Variants in MYO18B observed in about 807,000 individuals in gnomAD.
MYO18B encodes the protein unconventional myosin-XVIIIb.
In MYO18B, 204 loss-of-function variants were observed where a neutral mutation model predicts 273.0. The observed-to-expected ratio is 0.75, with a 90% CI of 0.67 to 0.84. The LOEUF is 0.84. MYO18B is among the 40% of genes least tolerant of loss of function. The pLI, the probability that MYO18B is intolerant of heterozygous loss-of-function variation, is 0.00. For synonymous variants in MYO18B, 1,330 were observed against 1,305.7 expected, an observed-to-expected ratio of 1.02 and a Z score of -0.40; for missense variants, 3,212 against 3,287.6, an observed-to-expected ratio of 0.98 and a Z score of 0.56.
chr22:25,865,512 G>A (rs896012855), intron 21 of MYO18B, among the ~76,000 whole-genome samples: 4 of 152,212 alleles, frequency 2.6e-5, no homozygotes, highest in Non-Finnish European at 4.4e-5. Flanking sequence ...TGACTATAAG[G>A]ATGAAATAAC....
intron 39 of MYO18B, among the ~76,000 whole-genome samples, chr22:25,973,384 A>G (rs912848661): frequency 6.6e-6 from 1 of 152,230 alleles, no homozygotes; most frequent in African/African-American, 2.4e-5. Context: ...CCATAGAAAT[A>G]TAGAACACAG....
chr22:25,977,491 A>C (rs746354282), intron 39 of MYO18B, among the ~76,000 whole-genome samples: 5 of 152,100 alleles, frequency 3.3e-5, no homozygotes, highest in Non-Finnish European at 5.9e-5. Context: ...GGGCATGGTG[A>C]ATTGTGACCT....
At chr22:25,771,654 G>A (rs111534349) in intron 6 of MYO18B, among the ~76,000 whole-genome samples, 161 of 152,002 alleles carry the variant, frequency 1.1e-3, no homozygotes, top group African/African-American at 3.5e-3. Flanking sequence ...TCTCTCCCGC[G>A]TTGGGCATTT....
In MYO18B at chr22:25,780,215, G is replaced by A. The variant is rs780969376; in HGVS notation, c.2211+17G>A. ...CAGCTCCAGGTGAGGCCTCTCGGGGGATGTGCAAGGGGGCCCTTGGGGCTG... is the reference window on the plus strand; with the variant it reads ...CAGCTCCAGGTGAGGCCTCTCGGGGAATGTGCAAGGGGGCCCTTGGGGCTG... On this transcript the variant is annotated intron_variant, in intron 9 of 43. Coordinates refer to ENST00000335473, the MANE Select transcript of MYO18B (RefSeq NM_032608.7). 2.1e-5 allele frequency: 34 copies of A among 1,594,916 alleles called. No homozygotes were observed. Among genetic ancestry groups the A allele is most frequent in the Non-Finnish European group, 2.8e-5 (33 of 1,173,238 alleles).
the MYO18B span, among the ~76,000 whole-genome samples, chr22:26,063,481 A>T: frequency 5.3e-5 from 8 of 152,206 alleles, no homozygotes; most frequent in South Asian, 1.7e-3. Flanking sequence ...CCAAGAATAC[A>T]AAATGACCCA....
At chr22:25,972,732 G>T (rs908467002) in intron 39 of MYO18B, among the ~76,000 whole-genome samples, 1 of 152,194 alleles carries the variant, frequency 6.6e-6, no homozygotes. Context: ...GAGGCAGGTG[G>T]ATCACCTGAG....
In MYO18B at chr22:25,797,838, G is replaced by A. The variant is rs920918415; in HGVS notation, c.2377-115G>A. The stretch of plus-strand genomic sequence containing the variant: ...TCAGCTTAATTGTGGGTAATTTATT[G>A]TGGCAATAAAATGACCCCCGCATTC... On this transcript the variant is annotated intron_variant, in intron 11 of 43. Transcript: ENST00000335473. The A allele has an allele frequency of 6.3e-6, 9 of 1,424,008 alleles. No homozygotes were observed. The Admixed American group carries it at 6.8e-5, about 11-fold the overall frequency. 88.2% of individuals were successfully genotyped at this position (1,424,008 alleles called of 1,614,324 possible). A position where few individuals can be genotyped will look rare whatever the true frequency, so the allele number is the denominator to read the frequency against.
Position 25,769,298 on chromosome 22 carries a change from C to T in MYO18B, c.1382C>T (p.Thr461Ile). The change falls in exon 4 of 44, where the codon ACA (threonine) becomes ATA (isoleucine). Residue 461 changes from threonine (T) to isoleucine (I), a missense_variant. By Grantham distance (89) the Thr-to-Ile change is moderately conservative (BLOSUM62 -1). Coordinates refer to ENST00000335473, the MANE Select transcript of MYO18B (RefSeq NM_032608.7). ...RAGDGAGALE[T>I]ELEGPSQPAL... is the part of the protein sequence containing the mutation. ...GGTGATGGGGCTGGTGCCCTGGAGA[C>T]AGAGCTGGAAGGACCCAGCCAGCCT... 1 of 1,581,666 alleles carries T rather than the reference C, an allele frequency of 6.3e-7. No individual in the cohort carries two copies. Among genetic ancestry groups the T allele is most frequent in the Non-Finnish European group, 8.6e-7 (1 of 1,164,452 alleles).
At chr22:25,795,322 T>G (rs1393829026) in intron 11 of MYO18B, among the ~76,000 whole-genome samples, 2 of 152,242 alleles carry the variant, frequency 1.3e-5, no homozygotes, top group Non-Finnish European at 2.9e-5. Flanking sequence ...TATGACTGTT[T>G]TCATGATCCT....
intron 24 of MYO18B, among the ~76,000 whole-genome samples, chr22:25,876,639 T>TTTAA (rs2091208431): frequency 1.3e-5 from 2 of 151,786 alleles, no homozygotes; most frequent in Admixed American, 6.6e-5. Context: ...CCTTTATTTA[T>TTTAA]TTATTTATTT....
At chr22:25,962,195 T>C (rs1056680387) in intron 39 of MYO18B, among the ~76,000 whole-genome samples, 5 of 152,228 alleles carry the variant, frequency 3.3e-5, no homozygotes, top group Non-Finnish European at 7.3e-5. Context: ...TCATGCATCC[T>C]GCTGCCTGCC....
chr22:25,966,582 G>C (rs2146711668), intron 39 of MYO18B, among the ~76,000 whole-genome samples: 1 of 152,260 alleles, frequency 6.6e-6, no homozygotes, highest in African/African-American at 2.4e-5. Context: ...ATCTCAGTGG[G>C]ATCCAAAATG....
rs1445339580 is a variant in MYO18B, at chr22:25,780,080, C to A, written c.2093C>A (p.Thr698Asn). 1 of 1,596,478 alleles carries A rather than the reference C, an allele frequency of 6.3e-7. No individual in the cohort carries two copies. Among genetic ancestry groups the A allele is most frequent in the East Asian group, 2.3e-5 (1 of 44,124 alleles). Residue 698 changes from threonine (T) to asparagine (N), a missense_variant, in exon 9 of 44, where the codon ACT (threonine) becomes AAT (asparagine). By Grantham distance (65) the Thr-to-Asn change is moderately conservative (BLOSUM62 0). Coordinates refer to ENST00000335473, the MANE Select transcript of MYO18B (RefSeq NM_032608.7). ...GTGGAGAAGATCCGAGCCACCTTCA[C>A]TGTCCTCCGGGCCTTCGGCTCTGTG... ...VSVEKIRATF[T>N]VLRAFGSVSM...
rs531972047 is a variant in MYO18B, at chr22:25,798,080, C to T, written c.2504C>T (p.Ala835Val). The change falls in exon 12 of 44, where the codon GCG becomes GTG. Residue 835 changes from alanine (A) to valine (V), a missense_variant. By Grantham distance (64) the Ala-to-Val change is moderately conservative. Coordinates refer to ENST00000335473, the MANE Select transcript of MYO18B (RefSeq NM_032608.7). Reference sequence around the variant, plus strand: ...CTGGCAGCCATCTACCACCTGGGTGCGGCGGGGGCCTGCAAAGGTACGTCC... The same window carrying T: ...CTGGCAGCCATCTACCACCTGGGTGTGGCGGGGGCCTGCAAAGGTACGTCC... ...RVLAAIYHLGAAGACKVGRKQ... is the reference protein window; with the variant it reads ...RVLAAIYHLGVAGACKVGRKQ... The T allele has an allele frequency of 2.3e-3, 3,716 of 1,608,062 alleles. 104 individuals carry two copies. The South Asian group carries it at 0.037, about 16-fold the overall frequency.
intron 39 of MYO18B, among the ~76,000 whole-genome samples, chr22:25,974,188 C>T (rs969096714): frequency 7.2e-5 from 11 of 152,150 alleles, no homozygotes; most frequent in African/African-American, 1.4e-4. Context: ...TATGGCTACT[C>T]AACAATTAGA....
chr22:25,863,541 C>G (rs1601393482), intron 21 of MYO18B, among the ~76,000 whole-genome samples: 2 of 138,296 alleles, frequency 1.4e-5, no homozygotes, highest in South Asian at 4.2e-4. Context: ...ACTGATATCT[C>G]TGCCCAATTT....
intron 22 of MYO18B, among the ~76,000 whole-genome samples, chr22:25,873,575 G>A (rs2091107899): frequency 6.6e-6 from 1 of 152,160 alleles, no homozygotes; most frequent in South Asian, 2.1e-4. Flanking sequence ...CGAGTAGCTG[G>A]GATTACAGGC....
At chr22:25,800,797 C>T (rs910208311) in intron 12 of MYO18B, among the ~76,000 whole-genome samples, 8 of 152,194 alleles carry the variant, frequency 5.3e-5, no homozygotes, top group South Asian at 2.1e-4. Context: ...GGGGGGCCCC[C>T]GCCCCCTGAT....
chr22:25,999,549 TCCC>T (rs1363628451), intron 40 of MYO18B, among the ~76,000 whole-genome samples: 4 of 20,520 alleles, frequency 1.9e-4, no homozygotes, highest in African/African-American at 5.1e-4. Context: ...CTCTTCCCCC[TCCC>T]CCTCTTCCCC....
Sources: gnomAD v4.1 joint callset for allele counts (sites outside exome capture counted in the v4.1 genomes callset) on GRCh38, gnomAD v4.1.1 for gene constraint, MANE v1.5 for transcripts, NCBI Gene and HGNC (gene_info 2026-07-23, HGNC 2026-07-21) for gene names.